SAFB: variants seen among roughly 807,000 people sequenced by gnomAD.
The protein encoded by SAFB is scaffold attachment factor B, also known as scaffold attachment factor B1.
In SAFB, 15 loss-of-function variants were observed where a neutral mutation model predicts 101.6. That is an observed-to-expected ratio of 0.15 (90% CI 0.10 to 0.23). The LOEUF (loss-of-function observed/expected upper bound fraction) is 0.23, where lower values mean the gene tolerates loss of function less well. SAFB is among the 10% of genes least tolerant of loss of function. The pLI is 1.00. For missense variants in SAFB, 930 were observed against 1,104.1 expected (o/e 0.84, Z 2.23); for synonymous variants, 449 against 407.5 (o/e 1.10, Z -1.23).
chr19:5,659,763 G>A (rs1476851673), intron 14 of SAFB, among the ~76,000 whole-genome samples: 1 of 152,040 alleles, frequency 6.6e-6, no homozygotes, highest in African/African-American at 2.4e-5. Flanking sequence ...CATTTCTGCT[G>A]GGGGAGTAAT....
At chr19:5,642,387 A>G (rs183997144) in intron 4 of SAFB, among the ~76,000 whole-genome samples, 1 of 152,272 alleles carries the variant, frequency 6.6e-6, no homozygotes, top group Admixed American at 6.5e-5. Flanking sequence ...TCAAGGCTGT[A>G]CTAAGCTATG....
At chr19:5,627,991 C>T (rs1219314467) in intron 2 of SAFB, among the ~76,000 whole-genome samples, 2 of 152,158 alleles carry the variant, frequency 1.3e-5, no homozygotes, top group East Asian at 3.8e-4. Flanking sequence ...TGGCTCACAC[C>T]TGTAATGCCA....
Position 5,661,541 on chromosome 19 carries a change from G to A in SAFB, c.1886G>A (p.Arg629His), listed in dbSNP as rs373225553. 11 of 1,612,856 alleles carry A rather than the reference G, an allele frequency of 6.8e-6. No individual in the cohort carries two copies. The highest frequency in any genetic ancestry group is 2.2e-5 in the East Asian group (1 of 44,890). ...AGCAGGGTGCGTGAACGCAGTGAAC[G>A]CGAACAACGCATGCAGGCGCAGTGG... ...SHSRVRERSE[R>H]EQRMQAQWER... Residue 629 changes from arginine (R) to histidine (H), a missense_variant, in exon 15 of 21, where the codon CGC (arginine) becomes CAC (histidine). Arg to His is a conservative substitution (Grantham distance 29). Around this residue, in one of 7 missense-constraint regions of SAFB, gnomAD observed 159 missense variants for 234.1 expected, o/e 0.68. Transcript: ENST00000588852.
intron 2 of SAFB, among the ~76,000 whole-genome samples, chr19:5,626,716 A>C (rs1226183360): frequency 6.6e-6 from 1 of 151,832 alleles, no homozygotes; most frequent in Non-Finnish European, 1.5e-5. Context: ...TCCTTTATTC[A>C]TTTTCCTCTG....
chr19:5,661,840 G>GC (rs1371742239), intron 15 of SAFB, 32 bp downstream of exon 15: 1 of 1,461,050 alleles, frequency 6.8e-7, no homozygotes, highest in Non-Finnish European at 9.2e-7. Flanking sequence ...TTAGCACGTG[G>GC]CGTTCAGAAT....
At chr19:5,654,546 G>C in intron 13 of SAFB, 90 bp downstream of exon 13, 1 of 841,754 alleles carries the variant, frequency 1.2e-6, no homozygotes, top group South Asian at 1.4e-5. Context: ...AGCTTCATTT[G>C]AAAAAAGCTT....
In SAFB at chr19:5,648,051, T is replaced by A; in HGVS notation, c.637+8T>A. 1.9e-6 allele frequency: 3 copies of A among 1,608,838 alleles called. No individual in the cohort carries two copies. In the South Asian group the frequency reaches 3.3e-5, roughly 18 times the overall value. On this transcript the variant is annotated splice_region_variant and intron_variant, in intron 6 of 20. Transcript: ENST00000588852. ...AGCCATCCCTGGAGCCAGGTACTGT[T>A]AAATGAAAAACTTACCAGCGGGGGT...
chr19:5,638,714 C>CTTTT (rs758543978), intron 2 of SAFB, among the ~76,000 whole-genome samples: 6 of 116,360 alleles, frequency 5.2e-5, no homozygotes, highest in African/African-American at 9.8e-5. Flanking sequence ...TAATCTTAGT[C>CTTTT]TTTTTTTTTT....
chr19:5,668,037 C>T (rs2054376166), intron 20 of SAFB, 125 bp from the exon 21 acceptor site: 2 of 1,455,860 alleles, frequency 1.4e-6, no homozygotes, highest in Admixed American at 4.3e-5. Context: ...GCTGCTGCCA[C>T]TCAGGAGGGG....
chr19:5,636,806 T>G (rs1196362174), intron 2 of SAFB, among the ~76,000 whole-genome samples: 1 of 151,798 alleles, frequency 6.6e-6, no homozygotes, highest in Non-Finnish European at 1.5e-5. Context: ...CCTCCTGGGT[T>G]CAAGTGATTT....
At position 5,668,403 on chromosome 19, in the gene SAFB, A is replaced by G; in HGVS notation, c.*112A>G. ...TAATCTGCTGCCATATTGTAGCTCA[A>G]TACAATGTGAATTTGTTTTTCGTTT... is the stretch of plus-strand genomic sequence containing the variant. On this transcript the variant is annotated 3_prime_UTR_variant, in exon 21 of 21. Transcript: ENST00000588852. 4.2e-6 allele frequency: 5 copies of G among 1,187,834 alleles called. No homozygotes were observed. The highest frequency in any genetic ancestry group is 4.6e-6 in the Non-Finnish European group (4 of 872,580). The allele number at this position is 1,187,834 out of a possible 1,614,324, so 73.6% of individuals were successfully genotyped here.
chr19:5,633,736 G>A (rs1409861782), intron 2 of SAFB, among the ~76,000 whole-genome samples: 1 of 151,224 alleles, frequency 6.6e-6, no homozygotes, highest in Admixed American at 6.6e-5. Context: ...CCGAGATTGC[G>A]CCACTGCACT....
In SAFB at chr19:5,667,496, T is replaced by C; in HGVS notation, c.2557+46T>C. 1 of 1,332,074 alleles carries C rather than the reference T, an allele frequency of 7.5e-7. No homozygotes were observed. The highest frequency in any genetic ancestry group is 1.0e-6 in the Non-Finnish European group (1 of 971,728). The allele number at this position is 1,332,074 out of a possible 1,614,324, so 82.5% of individuals were successfully genotyped here. On this transcript the variant is annotated intron_variant, in intron 19 of 20. Transcript: ENST00000588852. The surrounding 1 kb of genome is among the most constrained non-coding windows in gnomAD (Gnocchi z 4.0). ...GGGACCAGGATGTGCTGGGGAGTGA[T>C]GGAAAGATGGAGGCCGCGCCTTCTC...
chr19:5,642,494 T>TA (rs372098085), intron 4 of SAFB, among the ~76,000 whole-genome samples: 13 of 152,114 alleles, frequency 8.5e-5, no homozygotes, highest in African/African-American at 2.4e-4. Context: ...AGCCAGTTGA[T>TA]ACCTATCTTA....
intron 1 of SAFB, 149 bp from the exon 2 acceptor site, chr19:5,626,256 G>C: frequency 1.7e-6 from 1 of 599,734 alleles, no homozygotes; most frequent in South Asian, 2.0e-5. Flanking sequence ...CGAGATAACA[G>C]ATGAGTGGAT....
intron 2 of SAFB, among the ~76,000 whole-genome samples, chr19:5,633,969 T>G (rs377191989): frequency 6.6e-6 from 1 of 152,106 alleles, no homozygotes; most frequent in African/African-American, 2.4e-5. Context: ...AAAGCCCTCA[T>G]GAACAGTTTG....
chr19:5,640,041 A>C (rs2053673356), intron 2 of SAFB, among the ~76,000 whole-genome samples: 1 of 151,864 alleles, frequency 6.6e-6, no homozygotes, highest in Admixed American at 6.6e-5. Flanking sequence ...TTTAGTAGAG[A>C]CAGGGTTTCT....
intron 2 of SAFB, among the ~76,000 whole-genome samples, 173 bp downstream of exon 2, chr19:5,626,662 T>C (rs1272688278): frequency 1.3e-5 from 2 of 152,262 alleles, no homozygotes; most frequent in Non-Finnish European, 2.9e-5. Flanking sequence ...TGTTTTGTTT[T>C]CTTGGTATCT....
At chr19:5,653,085 C>G (rs1014751219) in intron 9 of SAFB, 30 bp from the exon 10 acceptor site, 7 of 1,612,232 alleles carry the variant, frequency 4.3e-6, no homozygotes, top group Non-Finnish European at 5.9e-6. Flanking sequence ...GGCTTCATGT[C>G]TGAGTCATAT....
Sources: gnomAD v4.1 joint callset for allele counts (sites outside exome capture counted in the v4.1 genomes callset) on GRCh38, gnomAD v4.1.1 for gene constraint, gnomAD v4.1.1 regional missense constraint, Gnocchi (gnomAD v3.1) non-coding constraint, MANE v1.5 for transcripts, NCBI Gene and HGNC (gene_info 2026-07-23, HGNC 2026-07-21) for gene names.